CELF1: variants seen among roughly 807,000 people sequenced by gnomAD.
The protein encoded by CELF1 is 50 kDa nuclear polyadenylated RNA-binding protein.
In CELF1, 10 loss-of-function variants were observed where a neutral mutation model predicts 61.8. That is an observed-to-expected ratio of 0.16 (90% confidence interval 0.10 to 0.27). The LOEUF (loss-of-function observed/expected upper bound fraction) is 0.27, where lower values mean the gene tolerates loss of function less well. Ranked by LOEUF, CELF1 falls within the 10% of genes least tolerant of loss-of-function variation. The pLI is 1.00. For missense variants in CELF1, 380 were observed against 639.1 expected, an observed-to-expected ratio of 0.59 and a Z score of 4.37; for synonymous variants, 236 against 225.1, an observed-to-expected ratio of 1.05 and a Z score of -0.43.
At chr11:47,509,036 T>A (rs2094817298) in intron 1 of CELF1, among the ~76,000 whole-genome samples, 1 of 152,216 alleles carries the variant, frequency 6.6e-6, no homozygotes, top group South Asian at 2.1e-4. Flanking sequence ...CCCAATGTGC[T>A]GGGATTATAG....
chr11:47,499,690 G>C (rs966592097), intron 2 of CELF1, 86 bp from the exon 3 acceptor site: 7 of 610,246 alleles, frequency 1.1e-5, no homozygotes, highest in Non-Finnish European at 2.0e-5. Flanking sequence ...GACTGGGGAA[G>C]GGGTAGGGAA....
upstream of CELF1, among the ~76,000 whole-genome samples, chr11:47,556,855 T>C (rs544575544): frequency 4.6e-5 from 7 of 152,344 alleles, no homozygotes; most frequent in Admixed American, 2.6e-4. Flanking sequence ...CACTCCAGCC[T>C]AGGCATCAGA....
chr11:47,552,734 G>T lies in CELF1; in HGVS notation c.-154+258C>A, dbSNP rs374159350. 2.0e-5 allele frequency among the ~76,000 whole-genome samples: 3 copies of T among 152,288 alleles called. No individual in the cohort carries two copies. The South Asian group carries it at 6.2e-4, about 32-fold the overall frequency. ...AAAGGGCGCGGGGAGAGGAAGCAAA[G>T]CCACGAGGAGGGCGGGTCTCCCTGG... On this transcript the variant is annotated intron_variant, in intron 1 of 14. Coordinates refer to ENST00000687097, the MANE Select transcript of CELF1 (RefSeq NM_001376376.1).
intron 3 of CELF1, 37 bp from the exon 4 acceptor site, chr11:47,489,061 A>C: frequency 1.4e-6 from 2 of 1,442,010 alleles, no homozygotes; most frequent in Non-Finnish European, 1.8e-6. Flanking sequence ...TTATGTAATA[A>C]TGTTGCTTTC....
intron 3 of CELF1, among the ~76,000 whole-genome samples, chr11:47,489,635 T>C (rs536830635): frequency 3.3e-4 from 51 of 152,260 alleles, no homozygotes; most frequent in Admixed American, 3.9e-4. Flanking sequence ...TTCCAGATGA[T>C]TGTGCGATGA....
intron 3 of CELF1, 55 bp downstream of exon 3, chr11:47,499,394 TAAAG>T (rs2093617641): frequency 5.2e-6 from 7 of 1,353,216 alleles, no homozygotes; most frequent in Middle Eastern, 1.8e-4. Flanking sequence ...TTTCATCAAA[TAAAG>T]AAAACAGCCC....
At chr11:47,546,348 CCT>C (rs914786169) in intron 1 of CELF1, among the ~76,000 whole-genome samples, 3 of 150,876 alleles carry the variant, frequency 2.0e-5, no homozygotes, top group South Asian at 2.1e-4. Context: ...CTCACTGCAA[CCT>C]CTGTCTCCCT....
At chr11:47,480,738 T>A (rs77028738) in intron 9 of CELF1, among the ~76,000 whole-genome samples, 2,416 of 152,302 alleles carry the variant, frequency 0.016, 50 homozygotes, top group African/African-American at 0.048. Context: ...GAAACAATTT[T>A]TTCTGTTGAA....
At chr11:47,557,721 A>C (rs2097210101), upstream of CELF1, 1 of 150,242 alleles carries the variant, frequency 6.7e-6, no homozygotes, top group African/African-American at 2.5e-5. Flanking sequence ...AACTTAGTGC[A>C]GACACCTGAT....
chr11:47,480,115 A>C (rs1425984335), intron 9 of CELF1, among the ~76,000 whole-genome samples: 2 of 144,624 alleles, frequency 1.4e-5, no homozygotes, highest in Non-Finnish European at 3.0e-5. Context: ...TTTGAGACGG[A>C]GTCTCGCTCT....
chr11:47,547,065 CA>C (rs61222771), intron 1 of CELF1, among the ~76,000 whole-genome samples: 34 of 39,960 alleles, frequency 8.5e-4, no homozygotes, highest in East Asian at 4.5e-3. Context: ...AACTCCACCT[CA>C]AAAAAAAAAA....
intron 1 of CELF1, chr11:47,524,723 A>G (rs2096148578): frequency 6.6e-6 from 1 of 152,212 alleles, no homozygotes; most frequent in Admixed American, 6.5e-5. Context: ...AAAAAGTGGA[A>G]CAGCAGCTTC....
intron 6 of CELF1, among the ~76,000 whole-genome samples, chr11:47,485,732 C>T (rs1486365085): frequency 6.6e-6 from 1 of 151,660 alleles, no homozygotes; most frequent in Non-Finnish European, 1.5e-5. Flanking sequence ...CAGGCATGCA[C>T]CACCACACTC....
In CELF1 at chr11:47,469,779, G is replaced by A. The variant is rs112953599; in HGVS notation, c.*2451C>T. On this transcript the variant is annotated 3_prime_UTR_variant, in exon 15 of 15. Coordinates refer to ENST00000687097, the MANE Select transcript of CELF1 (RefSeq NM_001376376.1). ...GCAGGTATGAAGCCCTCAGGGTCTG[G>A]TATCAAAGGTGGGTGGATTGCACCT... The A allele has an allele frequency of 2.6e-5, 4 of 152,386 alleles. No individual in the cohort carries two copies. The highest frequency in any genetic ancestry group is 9.6e-5 in the African/African-American group (4 of 41,574). 9.4% of individuals were successfully genotyped at this position (152,386 alleles called of 1,614,324 possible). A position where few individuals can be genotyped will look rare whatever the true frequency, so the allele number is the denominator to read the frequency against.
In CELF1 at chr11:47,468,377, A is replaced by G. The variant is rs965938985; in HGVS notation, c.*3853T>C. 1 of 152,492 alleles carries G rather than the reference A, an allele frequency of 6.6e-6. No individual in the cohort carries two copies. Among genetic ancestry groups the G allele is most frequent in the African/African-American group, 2.4e-5 (1 of 41,466 alleles). 9.4% of individuals were successfully genotyped at this position (152,492 alleles called of 1,614,324 possible). On this transcript the variant is annotated 3_prime_UTR_variant, in exon 15 of 15. Transcript: ENST00000687097. ...CAAGCCCCACAGACTGTATCAGCAA[A>G]ATGTGCTCAGGAGCCTCAGAGGTTT... is the stretch of plus-strand genomic sequence containing the variant.
chr11:47,558,614 TGC>T (rs1565921660), intron 2 of CELF1, among the ~76,000 whole-genome samples: 75 of 110,466 alleles, frequency 6.8e-4, no homozygotes, highest in Middle Eastern at 6.0e-3. Context: ...ATAAAATATG[TGC>T]AATATAATAT....
intron 12 of CELF1, among the ~76,000 whole-genome samples, chr11:47,476,616 C>G (rs185084853): frequency 3.9e-5 from 6 of 152,042 alleles, no homozygotes; most frequent in African/African-American, 1.4e-4. Context: ...TTAGGGGAGA[C>G]GGGGTTTCAC....
intron 1 of CELF1, among the ~76,000 whole-genome samples, chr11:47,535,319 G>T (rs1397578463): frequency 6.6e-6 from 1 of 151,856 alleles, no homozygotes; most frequent in Admixed American, 6.6e-5. Flanking sequence ...AAAAAAAATG[G>T]TTCTATGGAG....
rs374902112 is a variant in CELF1 at position 47,482,874 on chromosome 11, C to T, written c.607-18G>A. On this transcript the variant is annotated intron_variant, in intron 8 of 14. Transcript: ENST00000687097. ...GAGCAACCCTGTGAAAAGACCATAACGAAAGGGTCAAATTCCTCCATCTGA... is the reference window on the plus strand; with the variant it reads ...GAGCAACCCTGTGAAAAGACCATAATGAAAGGGTCAAATTCCTCCATCTGA... 40 of 1,604,644 alleles carry T rather than the reference C, an allele frequency of 2.5e-5. No individual in the cohort carries two copies. In the East Asian group the frequency reaches 6.3e-4, roughly 25 times the overall value.
Sources: allele counts gnomAD v4.1 joint callset (sites outside exome capture counted in the v4.1 genomes callset), GRCh38; gene constraint gnomAD v4.1.1; transcripts MANE v1.5; gene names NCBI Gene and HGNC (gene_info 2026-07-23, HGNC 2026-07-21).